The following ZNF565 variants were observed in gnomAD, a reference collection of about 807,000 sequenced individuals.
ZNF565 encodes the protein zinc finger protein 565.
A neutral mutation model predicts 39.4 loss-of-function variants in ZNF565; 27 were observed. That is an observed-to-expected ratio of 0.69 (90% confidence interval 0.51 to 0.95). ZNF565 has a LOEUF of 0.95. Ranked by LOEUF, ZNF565 falls within the 40% of genes least tolerant of loss-of-function variation. The probability of loss-of-function intolerance (pLI) is 0.00; values close to 1 mark genes in which losing one functional copy is unlikely to be tolerated. For missense variants in ZNF565, 524 were observed against 621.1 expected, an observed-to-expected ratio of 0.84 and a Z score of 1.66; for synonymous variants, 185 against 216.6, an observed-to-expected ratio of 0.85 and a Z score of 1.28.
chr19:36,194,382 C>T (rs1975683520), intron 3 of ZNF565, 54 bp from the exon 4 acceptor site: 1 of 1,420,660 alleles, frequency 7.0e-7, no homozygotes, highest in Admixed American at 2.1e-5. Flanking sequence ...AATCCAAACC[C>T]AGTTCCCTGG....
intron 1 of ZNF565, among the ~76,000 whole-genome samples, chr19:36,241,802 A>AAAAAAAAAAT (rs1555744552): frequency 7.2e-6 from 1 of 139,456 alleles, no homozygotes; most frequent in Non-Finnish European, 1.6e-5. Flanking sequence ...AAAAAAAAAA[A>AAAAAAAAAAT]AGCTGGGACA....
At chr19:36,234,433 A>AT (rs1319088229) in intron 1 of ZNF565, among the ~76,000 whole-genome samples, 1 of 152,190 alleles carries the variant, frequency 6.6e-6, no homozygotes, top group Non-Finnish European at 1.5e-5. Context: ...TGTTGTCCTA[A>AT]TATTAGACTA....
intron 4 of ZNF565, among the ~76,000 whole-genome samples, chr19:36,185,430 A>G (rs1975257170): frequency 6.6e-6 from 1 of 151,608 alleles, no homozygotes; most frequent in Admixed American, 6.6e-5. Flanking sequence ...AAAAAAAAAA[A>G]AGAATTACAA....
chr19:36,199,158 C>G (rs185635254), intron 2 of ZNF565, among the ~76,000 whole-genome samples: 1 of 152,314 alleles, frequency 6.6e-6, no homozygotes, highest in East Asian at 1.9e-4. Context: ...CCTTCACTGT[C>G]CACTTTTCCT....
rs1381603981 is a variant in ZNF565, at chr19:36,183,215, A to G, written c.751T>C (p.Tyr251His). 6.2e-7 allele frequency: 1 copy of G among 1,614,120 alleles called. No homozygotes were observed. Among genetic ancestry groups the G allele is most frequent in the Admixed American group, 1.7e-5 (1 of 60,004 alleles). ...GTCTTCCCACATTCTTTACATTCATAAGGTTTGACACCAGTATGAAGTCTC... is the reference window on the plus strand; with the variant it reads ...GTCTTCCCACATTCTTTACATTCATGAGGTTTGACACCAGTATGAAGTCTC... ...HQRLHTGVKPYECKECGKTFR... is the reference protein window; with the variant it reads ...HQRLHTGVKPHECKECGKTFR... The change falls in exon 5 of 5, where the codon TAT becomes CAT. Residue 251 changes from tyrosine to histidine, a missense_variant. Transcript: ENST00000304116.
intron 1 of ZNF565, among the ~76,000 whole-genome samples, chr19:36,240,327 G>T (rs1977776768): frequency 6.6e-6 from 1 of 152,142 alleles, no homozygotes; most frequent in African/African-American, 2.4e-5. Context: ...AGGGTGAGCT[G>T]GGAGGATTGC....
At chr19:36,241,887 CTAAACATAAGAGA>C (rs759738287) in intron 1 of ZNF565, among the ~76,000 whole-genome samples, 1 of 151,514 alleles carries the variant, frequency 6.6e-6, no homozygotes, top group Non-Finnish European at 1.5e-5. Flanking sequence ...GTCCAAAGAC[CTAAACATAAGAGA>C]TAAACTCTTG....
At chr19:36,187,108 T>C (rs1055596110) in intron 4 of ZNF565, among the ~76,000 whole-genome samples, 6 of 151,806 alleles carry the variant, frequency 4.0e-5, no homozygotes, top group Non-Finnish European at 7.4e-5. Flanking sequence ...GAGAATTGCT[T>C]GAACCCAGGG....
chr19:36,230,137 A>C (rs1269076900), intron 1 of ZNF565, among the ~76,000 whole-genome samples: 1 of 152,250 alleles, frequency 6.6e-6, no homozygotes, highest in Non-Finnish European at 1.5e-5. Context: ...ATGCAGAAAC[A>C]ACTACATAGC....
intron 1 of ZNF565, chr19:36,236,395 T>C (rs553728749): frequency 2.6e-6 from 4 of 1,542,548 alleles, no homozygotes; most frequent in African/African-American, 2.8e-5. Context: ...ATCAAGAAAT[T>C]TTTACTGGAG....
chr19:36,195,076 C>A lies in ZNF565; in HGVS notation c.90G>T (p.Leu30Phe). The change falls in exon 3 of 5, where the codon TTG (leucine) becomes TTT (phenylalanine). Residue 30 changes from leucine to phenylalanine, a missense_variant. By Grantham distance (22) the Leu-to-Phe change is conservative (BLOSUM62 0). Coordinates refer to ENST00000304116, the MANE Select transcript of ZNF565 (RefSeq NM_152477.5). Reference sequence around the variant, plus strand: ...AGTTCTCCAGAGTCACCTCCCTGTACAAGTCCCTCTGAGCAGGTTCCAGGC... The same window carrying A: ...AGTTCTCCAGAGTCACCTCCCTGTAAAAGTCCCTCTGAGCAGGTTCCAGGC... ...WKCLEPAQRDLYREVTLENFG... is the reference protein window; with the variant it reads ...WKCLEPAQRDFYREVTLENFG... 1.2e-6 allele frequency: 2 copies of A among 1,614,206 alleles called. No individual in the cohort carries two copies. The highest frequency in any genetic ancestry group is 2.7e-5 in the African/African-American group (2 of 75,050).
At position 36,209,252 on chromosome 19, in the gene ZNF565, TG is replaced by T. The variant is rs1386495092; in HGVS notation, c.-66+5369del. Among the ~76,000 whole-genome samples the T allele has an allele frequency of 7.2e-5, 11 of 152,098 alleles. No homozygotes were observed. The East Asian group carries it at 2.1e-3, about 29-fold the overall frequency. ...GGTAGAAAGAACAAAGAACCGGGGC[TG>T]GGCGCAGTGGCTCACACCTACAATC... On this transcript the variant is annotated intron_variant, in intron 1 of 4. Transcript: ENST00000304116.
intron 2 of ZNF565, among the ~76,000 whole-genome samples, chr19:36,195,552 T>TC (rs1345993640): frequency 6.9e-6 from 1 of 144,146 alleles, no homozygotes; most frequent in East Asian, 2.0e-4. Flanking sequence ...TCTTTTCTCT[T>TC]TTTTTTTTTG....
At chr19:36,184,544 C>T (rs919169808) in intron 4 of ZNF565, among the ~76,000 whole-genome samples, 4 of 151,954 alleles carry the variant, frequency 2.6e-5, no homozygotes, top group South Asian at 4.2e-4. Context: ...GGATTACAGG[C>T]GTGAGCCACC....
chr19:36,238,234 CA>C (rs1431949792), intron 1 of ZNF565: 2 of 167,056 alleles, frequency 1.2e-5, no homozygotes, highest in African/African-American at 2.4e-5. Flanking sequence ...ACAGATAGTA[CA>C]ATGACTTTTT....
chr19:36,215,242 G>A (rs1398149335), upstream of ZNF565: 1 of 152,514 alleles, frequency 6.6e-6, no homozygotes, highest in East Asian at 1.9e-4. Flanking sequence ...GAGGTTAAAG[G>A]GGAGGATTCC....
intron 1 of ZNF565, among the ~76,000 whole-genome samples, chr19:36,205,345 T>G (rs1409045879): frequency 2.0e-5 from 3 of 151,992 alleles, no homozygotes; most frequent in Non-Finnish European, 4.4e-5. Context: ...CTGGCCAACA[T>G]GGTGAAACTG....
chr19:36,205,005 A>G (rs1976100307), intron 1 of ZNF565, among the ~76,000 whole-genome samples: 1 of 151,814 alleles, frequency 6.6e-6, no homozygotes, highest in African/African-American at 2.4e-5. Flanking sequence ...CAGAAAAGAA[A>G]ATGAAGATGT....
intron 4 of ZNF565, among the ~76,000 whole-genome samples, chr19:36,188,215 C>T (rs764447471): frequency 4.0e-5 from 6 of 151,214 alleles, no homozygotes; most frequent in Non-Finnish European, 7.4e-5. Context: ...ATTAGCCTGG[C>T]ATGGTGTTGT....
Sources: gnomAD v4.1 joint callset for allele counts (sites outside exome capture counted in the v4.1 genomes callset) on GRCh38, gnomAD v4.1.1 for gene constraint, MANE v1.5 for transcripts, NCBI Gene and HGNC (gene_info 2026-07-23, HGNC 2026-07-21) for gene names.